The following NF2 variants were observed in gnomAD, a reference collection of about 807,000 sequenced individuals.
NF2 encodes NF2, moesin-ezrin-radixin like (MERLIN) tumor suppressor.
In NF2, 8 loss-of-function variants were observed where a neutral mutation model predicts 83.7. That is an observed-to-expected ratio of 0.10 (90% CI 0.06 to 0.17). NF2 has a LOEUF of 0.17. Ranked by LOEUF, NF2 falls within the 10% of genes least tolerant of loss-of-function variation. The pLI, the probability that NF2 is intolerant of heterozygous loss-of-function variation, is 1.00. For missense variants in NF2, 533 were observed against 744.4 expected (o/e 0.72, Z 3.31); for synonymous variants, 266 against 269.6 (o/e 0.99, Z 0.13).
At chr22:29,646,633 G>C (rs1401471362) in intron 4 of NF2, among the ~76,000 whole-genome samples, 3 of 152,210 alleles carry the variant, frequency 2.0e-5, no homozygotes, top group Admixed American at 2.0e-4. Context: ...CTGTTGGAAT[G>C]ATATAGACAC....
chr22:29,675,988 G>A (rs140973626), intron 13 of NF2, among the ~76,000 whole-genome samples: 1 of 152,180 alleles, frequency 6.6e-6, no homozygotes, highest in African/African-American at 2.4e-5. Flanking sequence ...ACCCACCCAA[G>A]CCAGCTGTGT....
At chr22:29,625,144 G>T (rs960740792) in intron 1 of NF2, among the ~76,000 whole-genome samples, 22 of 151,968 alleles carry the variant, frequency 1.4e-4, no homozygotes, top group Admixed American at 1.0e-3. Context: ...GGCCAGGATG[G>T]TCTCGATCTC....
At chr22:29,610,155 T>C (rs932722587) in intron 1 of NF2, among the ~76,000 whole-genome samples, 17 of 151,046 alleles carry the variant, frequency 1.1e-4, no homozygotes, top group African/African-American at 3.7e-4. Context: ...CTGGGCAACA[T>C]AGAGAGACCC....
rs1174108643 is a variant in NF2 at position 29,609,287 on chromosome 22, A to G, written c.114+5175A>G. 62 of 693,992 alleles carry G rather than the reference A, an allele frequency of 8.9e-5. 2 individuals carry two copies. Among genetic ancestry groups the G allele is most frequent in the South Asian group, 5.9e-4 (43 of 72,632 alleles). 43.0% of individuals were successfully genotyped at this position (693,992 alleles called of 1,614,324 possible). A position where few individuals can be genotyped will look rare whatever the true frequency, so the allele number is the denominator to read the frequency against. ...AGGGCATAAATTCATGGAAGATATGATGTTAAAGGTTCACTGGTTGAGGAT... is the reference window on the plus strand; with the variant it reads ...AGGGCATAAATTCATGGAAGATATGGTGTTAAAGGTTCACTGGTTGAGGAT... On this transcript the variant is annotated intron_variant, in intron 1 of 15. Coordinates refer to ENST00000338641, the MANE Select transcript of NF2 (RefSeq NM_000268.4).
At position 29,604,098 on chromosome 22, in the gene NF2, G is replaced by C. The variant is rs753425376; in HGVS notation, c.100G>C (p.Glu34Gln). The C allele has an allele frequency of 1.2e-6, 2 of 1,605,626 alleles. No individual in the cohort carries two copies. The highest frequency in any genetic ancestry group is 2.2e-5 in the East Asian group (1 of 44,652). ...GATCGTCACCATGGACGCCGAGATG[G>C]AGTTCAATTGCGAGGTAACCGGCCG... ...VRIVTMDAEM[E>Q]FNCEMKWKGK... is the part of the protein sequence containing the mutation. Residue 34 changes from glutamate to glutamine, a missense_variant, in exon 1 of 16, where the codon GAG becomes CAG. Coordinates refer to ENST00000338641, the MANE Select transcript of NF2 (RefSeq NM_000268.4).
intron 1 of NF2, among the ~76,000 whole-genome samples, chr22:29,622,953 C>CTTTTT (rs779748755): frequency 3.2e-5 from 3 of 94,712 alleles, no homozygotes; most frequent in Admixed American, 2.3e-4. Context: ...CGTGCCCGGC[C>CTTTTT]TTTTTTTTTT....
chr22:29,665,552 A>T (rs1402852812), intron 9 of NF2, among the ~76,000 whole-genome samples: 7 of 152,292 alleles, frequency 4.6e-5, no homozygotes, highest in Admixed American at 3.9e-4. Context: ...CCGATGAGGA[A>T]TTTTTAAAAA....
chr22:29,645,866 C>T (rs1001334634), intron 4 of NF2, among the ~76,000 whole-genome samples: 13 of 152,152 alleles, frequency 8.5e-5, no homozygotes, highest in Admixed American at 3.3e-4. Context: ...GATTCACAGA[C>T]GACATATGTG....
intron 1 of NF2, among the ~76,000 whole-genome samples, chr22:29,628,140 C>G (rs1183886517): frequency 7.2e-6 from 1 of 139,676 alleles, no homozygotes; most frequent in Non-Finnish European, 1.5e-5. Context: ...GAGACTTAAT[C>G]TGTGTGTGTG....
At chr22:29,663,314 C>T (rs1030454520) in intron 8 of NF2, among the ~76,000 whole-genome samples, 6 of 152,176 alleles carry the variant, frequency 3.9e-5, no homozygotes, top group African/African-American at 1.4e-4. Context: ...TTGAAATCTC[C>T]CATACTATGG....
intron 15 of NF2, among the ~76,000 whole-genome samples, chr22:29,684,958 A>G (rs1256344352): frequency 1.3e-5 from 2 of 151,362 alleles, no homozygotes; most frequent in Non-Finnish European, 1.5e-5. Flanking sequence ...CTAGCTGAAG[A>G]GAAGTACTGC....
chr22:29,638,098 T>C (rs529150846), intron 2 of NF2, among the ~76,000 whole-genome samples: 2 of 152,318 alleles, frequency 1.3e-5, no homozygotes, highest in African/African-American at 2.4e-5. Context: ...TGGAGCCTTG[T>C]AGCCTGTCAC....
chr22:29,636,848 C>T lies in NF2; in HGVS notation c.212C>T (p.Thr71Ile), dbSNP rs2146854276. The change falls in exon 2 of 16, where the codon ACA (threonine) becomes ATA (isoleucine). Residue 71 changes from threonine (T) to isoleucine (I), a missense_variant. This residue lies in a region of NF2 where 326 missense variants were observed against 475.1 expected (regional missense o/e 0.69). Transcript: ENST00000338641. The surrounding 1 kb of genome is among the most constrained non-coding windows in gnomAD (Gnocchi z 4.4). Reference sequence around the variant, plus strand: ...GGACTGCAGTACACAATCAAGGACACAGTGGCCTGGCTCAAAATGGACAAG... The same window carrying T: ...GGACTGCAGTACACAATCAAGGACATAGTGGCCTGGCTCAAAATGGACAAG... ...FFGLQYTIKD[T>I]VAWLKMDKKV... The T allele has an allele frequency of 6.2e-7, 1 of 1,614,148 alleles. No homozygotes were observed. Among genetic ancestry groups the T allele is most frequent in the Non-Finnish European group, 8.5e-7 (1 of 1,180,030 alleles).
intron 15 of NF2, among the ~76,000 whole-genome samples, chr22:29,688,909 G>T (rs934667874): frequency 2.6e-5 from 4 of 152,126 alleles, no homozygotes; most frequent in Non-Finnish European, 4.4e-5. Context: ...GGCCGGACGC[G>T]GTGGCTTATG....
At position 29,671,984 on chromosome 22, in the gene NF2, T is replaced by C. The variant is rs202017912; in HGVS notation, c.1122+36T>C. On this transcript the variant is annotated intron_variant, in intron 11 of 15. Coordinates refer to ENST00000338641, the MANE Select transcript of NF2 (RefSeq NM_000268.4). ...AGGGGCTGGGGTTCCAGGAGGCTAC[T>C]TGGGGACTTCCTTGGCTTTTCTGGA... 3.1e-5 allele frequency: 50 copies of C among 1,614,036 alleles called. 1 individual carries two copies. Among genetic ancestry groups the C allele is most frequent in the Admixed American group, 5.0e-5 (3 of 60,014 alleles).
At chr22:29,665,588 A>T (rs1039795912) in intron 9 of NF2, among the ~76,000 whole-genome samples, 1 of 152,178 alleles carries the variant, frequency 6.6e-6, no homozygotes, top group African/African-American at 2.4e-5. Flanking sequence ...TATTTCATAC[A>T]TATAAAAGGA....
At chr22:29,659,144 A>T (rs191034010) in intron 7 of NF2, among the ~76,000 whole-genome samples, 1 of 152,340 alleles carries the variant, frequency 6.6e-6, no homozygotes, top group African/African-American at 2.4e-5. Context: ...TGCCTAAAAG[A>T]TGCTCCATAA....
At chr22:29,692,887 CT>C (rs1407862866) in intron 15 of NF2, among the ~76,000 whole-genome samples, 1 of 152,228 alleles carries the variant, frequency 6.6e-6, no homozygotes, top group Non-Finnish European at 1.5e-5. Flanking sequence ...GAGGAAGGGG[CT>C]GCCATCACGC....
chr22:29,617,231 G>A (rs950770609), intron 1 of NF2, among the ~76,000 whole-genome samples: 1 of 152,102 alleles, frequency 6.6e-6, no homozygotes, highest in African/African-American at 2.4e-5. Context: ...GTCCATCCAG[G>A]AAAGGGATTT....
Sources: gnomAD v4.1 joint callset for allele counts (sites outside exome capture counted in the v4.1 genomes callset) on GRCh38, gnomAD v4.1.1 for gene constraint, gnomAD v4.1.1 regional missense constraint, Gnocchi (gnomAD v3.1) non-coding constraint, MANE v1.5 for transcripts, NCBI Gene and HGNC (gene_info 2026-07-23, HGNC 2026-07-21) for gene names.